ARHGEF33: variants seen among roughly 807,000 people sequenced by gnomAD.
ARHGEF33 encodes the protein DH and coiled-coil domain-containing protein ENSP00000381780.
In ARHGEF33, 72 loss-of-function variants were observed where a neutral mutation model predicts 101.9. The ratio of observed to expected loss-of-function variants is 0.71; its 90% confidence interval spans 0.58 to 0.86. The LOEUF is 0.86. Ranked by LOEUF, ARHGEF33 falls within the 40% of genes least tolerant of loss-of-function variation. ARHGEF33 has a pLI of 0.00. For synonymous variants in ARHGEF33, 499 were observed against 442.5 expected (o/e 1.13, Z -1.60); for missense variants, 1,169 against 1,111.3 (o/e 1.05, Z -0.74).
chr2:38,924,516 A>T (rs1666831360), intron 4 of ARHGEF33, among the ~76,000 whole-genome samples: 1 of 152,224 alleles, frequency 6.6e-6, no homozygotes, highest in African/African-American at 2.4e-5. Flanking sequence ...ATTTAGTGCT[A>T]GCCCAACACT....
chr2:38,970,828 C>A (rs919667813), intron 17 of ARHGEF33, among the ~76,000 whole-genome samples: 2 of 152,208 alleles, frequency 1.3e-5, no homozygotes, highest in South Asian at 2.1e-4. Context: ...AGTCCTCTTG[C>A]AGCTGTTTGG....
intron 2 of ARHGEF33, among the ~76,000 whole-genome samples, chr2:38,901,079 C>G (rs926749943): frequency 6.6e-6 from 1 of 152,084 alleles, no homozygotes; most frequent in African/African-American, 2.4e-5. Flanking sequence ...TAGGATACCC[C>G]ACTCTCACCC....
intron 2 of ARHGEF33, among the ~76,000 whole-genome samples, chr2:38,911,312 G>T (rs1322778864): frequency 6.6e-6 from 1 of 152,052 alleles, no homozygotes; most frequent in African/African-American, 2.4e-5. Context: ...AGCATAAAAA[G>T]TTCCCATTCT....
chr2:38,940,838 G>A (rs1367408378), intron 9 of ARHGEF33, among the ~76,000 whole-genome samples: 3 of 152,258 alleles, frequency 2.0e-5, no homozygotes, highest in African/African-American at 7.2e-5. Context: ...CTTTTTTTAA[G>A]GATAATTTGG....
chr2:38,935,785 C>G lies in ARHGEF33; in HGVS notation c.516C>G (p.Ser172=), dbSNP rs867501066. The G allele has an allele frequency of 6.4e-7, 1 of 1,551,908 alleles. No individual in the cohort carries two copies. The highest frequency in any genetic ancestry group is 2.0e-5 in the Admixed American group (1 of 50,976). ...TTCCTTTCTCTGCAGCCCAAGAGTCCAGATCTGTTCATGTAGGAGACAGTA... is the reference window on the plus strand; with the variant it reads ...TTCCTTTCTCTGCAGCCCAAGAGTCGAGATCTGTTCATGTAGGAGACAGTA... ...PSQAYEKAQE[S]RSVHVGDSNV... Residue 172 remains serine (S), a synonymous_variant, in exon 8 of 18, where the codon TCC becomes TCG. Transcript: ENST00000409978.
chr2:38,975,222 T>C lies in ARHGEF33; in HGVS notation c.*1379T>C, dbSNP rs1668251080. 6.6e-6 allele frequency: 1 copy of C among 152,230 alleles called. No homozygotes were observed. Among genetic ancestry groups the C allele is most frequent in the Non-Finnish European group, 1.5e-5 (1 of 68,032 alleles). 9.4% of individuals were successfully genotyped at this position (152,230 alleles called of 1,614,324 possible). A position where few individuals can be genotyped will look rare whatever the true frequency, so the allele number is the denominator to read the frequency against. On this transcript the variant is annotated 3_prime_UTR_variant, in exon 18 of 18. Transcript: ENST00000409978. Reference sequence around the variant, plus strand: ...AGGAACTCACCTACTGCGTTTTGAATAGTAGTTGTCTGGAACACATAAAGG... The same window carrying C: ...AGGAACTCACCTACTGCGTTTTGAACAGTAGTTGTCTGGAACACATAAAGG...
intron 2 of ARHGEF33, among the ~76,000 whole-genome samples, chr2:38,918,089 T>C (rs1666674843): frequency 6.6e-6 from 1 of 152,202 alleles, no homozygotes; most frequent in Non-Finnish European, 1.5e-5. Flanking sequence ...TGAAAGGAGA[T>C]GGACAGCTCA....
intron 16 of ARHGEF33, among the ~76,000 whole-genome samples, chr2:38,965,676 C>T (rs530240396): frequency 2.0e-5 from 3 of 152,198 alleles, no homozygotes; most frequent in South Asian, 2.1e-4. Flanking sequence ...TTTATTCACT[C>T]GTGGAGGACG....
At chr2:38,969,987 C>T (rs1221653939) in intron 17 of ARHGEF33, among the ~76,000 whole-genome samples, 1 of 152,162 alleles carries the variant, frequency 6.6e-6, no homozygotes, top group Non-Finnish European at 1.5e-5. Flanking sequence ...AACGCGTATT[C>T]TTGATGGCAG....
At chr2:38,958,275 G>A in intron 15 of ARHGEF33, 77 bp downstream of exon 15, 2 of 1,502,500 alleles carry the variant, frequency 1.3e-6, no homozygotes, top group South Asian at 1.3e-5. Context: ...TAGCAGGGCA[G>A]CCTAGATTCC....
At chr2:38,956,273 G>T (rs947879353) in intron 13 of ARHGEF33, among the ~76,000 whole-genome samples, 1 of 152,138 alleles carries the variant, frequency 6.6e-6, no homozygotes, top group Non-Finnish European at 1.5e-5. Context: ...ACCTGATGAA[G>T]ATCATTTACC....
chr2:38,891,983 G>T (rs1666015150), intron 1 of ARHGEF33, among the ~76,000 whole-genome samples: 1 of 152,154 alleles, frequency 6.6e-6, no homozygotes, highest in African/African-American at 2.4e-5. Context: ...GTATGTTCAT[G>T]ATTATTTTGT....
At chr2:38,936,875 C>G (rs149422769) in intron 8 of ARHGEF33, 7,200 of 151,058 alleles carry the variant, frequency 0.048, 206 homozygotes, top group Non-Finnish European at 0.061. Flanking sequence ...CCTTGGGAGA[C>G]TGAGGCAGGA....
intron 16 of ARHGEF33, among the ~76,000 whole-genome samples, chr2:38,965,801 A>G (rs1189334620): frequency 1.3e-5 from 2 of 152,208 alleles, no homozygotes; most frequent in East Asian, 3.8e-4. Flanking sequence ...ATACATAGAA[A>G]ATACTACACT....
At chr2:38,928,840 C>G (rs2124997347) in intron 4 of ARHGEF33, 67 bp from the exon 5 acceptor site, 1 of 1,393,944 alleles carries the variant, frequency 7.2e-7, no homozygotes, top group Non-Finnish European at 9.6e-7. Flanking sequence ...AAGAAAAATT[C>G]AAGGTCCAAT....
At chr2:38,954,755 T>G (rs886129879) in intron 13 of ARHGEF33, among the ~76,000 whole-genome samples, 4 of 151,176 alleles carry the variant, frequency 2.6e-5, no homozygotes, top group African/African-American at 9.7e-5. Flanking sequence ...TGCATCAGCC[T>G]CCCGAGTAGC....
intron 16 of ARHGEF33, 62 bp from the exon 17 acceptor site, chr2:38,965,944 A>G: frequency 1.3e-6 from 2 of 1,533,344 alleles, no homozygotes; most frequent in Non-Finnish European, 8.8e-7. Context: ...ATTGTCCCAT[A>G]GTCAGGATCC....
At chr2:38,956,857 A>T (rs1381129671) in intron 13 of ARHGEF33, 42 bp from the exon 14 acceptor site, 5 of 1,544,302 alleles carry the variant, frequency 3.2e-6, no homozygotes. Flanking sequence ...ACAAATTTTC[A>T]TGCTGATTAT....
chr2:38,964,643 G>A (rs886779434), intron 16 of ARHGEF33, among the ~76,000 whole-genome samples: 1 of 151,618 alleles, frequency 6.6e-6, no homozygotes, highest in African/African-American at 2.4e-5. Context: ...AGAAGGTGGA[G>A]CTCAGGTAGT....
Sources: allele counts gnomAD v4.1 joint callset (sites outside exome capture counted in the v4.1 genomes callset), GRCh38; gene constraint gnomAD v4.1.1; transcripts MANE v1.5; gene names NCBI Gene and HGNC (gene_info 2026-07-23, HGNC 2026-07-21).